The following CNTN4 variants were observed in gnomAD, a reference collection of about 807,000 sequenced individuals.
The protein encoded by CNTN4 is contactin 4.
A neutral mutation model predicts 122.5 loss-of-function variants in CNTN4; 77 were observed. The observed-to-expected ratio is 0.63, with a 90% CI of 0.52 to 0.76. CNTN4 has a LOEUF of 0.76. Among genes scored for constraint, CNTN4 ranks in the 30% least tolerant of loss-of-function variants. The pLI, the probability that CNTN4 is intolerant of heterozygous loss-of-function variation, is 0.00. For missense variants in CNTN4, 1,256 were observed against 1,259.1 expected, an observed-to-expected ratio of 1.00 and a Z score of 0.04; for synonymous variants, 512 against 447.0, an observed-to-expected ratio of 1.15 and a Z score of -1.83.
chr3:2,996,980 T>G (rs899424271), intron 14 of CNTN4, among the ~76,000 whole-genome samples: 5 of 152,216 alleles, frequency 3.3e-5, no homozygotes, highest in African/African-American at 7.2e-5. Context: ...TGCATATCTT[T>G]TTAAAGTACA....
rs1052353469 is a variant in CNTN4, at chr3:2,428,285, A to G, written c.-89+89052A>G. On this transcript the variant is annotated intron_variant, in intron 3 of 24. Coordinates refer to ENST00000418658, the MANE Select transcript of CNTN4 (RefSeq NM_175607.3). ...AGGCCTGGTGGTGAGAAAATCTCTC[A>G]GCATTTGCTTGTCTGTAAAGGATTT... Among the ~76,000 whole-genome samples the G allele has an allele frequency of 3.9e-5, 6 of 152,316 alleles. No homozygotes were observed. The South Asian group carries it at 6.2e-4, about 16-fold the overall frequency.
At chr3:2,535,020 C>T (rs1025898970) in intron 3 of CNTN4, among the ~76,000 whole-genome samples, 1 of 152,140 alleles carries the variant, frequency 6.6e-6, no homozygotes, top group African/African-American at 2.4e-5. Context: ...AAAGGACCTT[C>T]TTTACATAAT....
At chr3:2,752,245 G>C (rs1004084842) in intron 6 of CNTN4, among the ~76,000 whole-genome samples, 2 of 152,192 alleles carry the variant, frequency 1.3e-5, no homozygotes, top group Non-Finnish European at 2.9e-5. Context: ...ATGTGTAAAT[G>C]ATCAAATCAG....
chr3:2,859,328 C>A (rs1328469605), intron 7 of CNTN4, among the ~76,000 whole-genome samples: 1 of 152,154 alleles, frequency 6.6e-6, no homozygotes, highest in Non-Finnish European at 1.5e-5. Context: ...TTAGTTGATT[C>A]CATATCTTGG....
intron 4 of CNTN4, among the ~76,000 whole-genome samples, chr3:2,645,954 A>G (rs1471252382): frequency 6.6e-6 from 1 of 152,196 alleles, no homozygotes; most frequent in East Asian, 1.9e-4. Context: ...CACTTCAACT[A>G]TTGTTGTTTA....
chr3:2,879,013 G>A (rs563034336), intron 8 of CNTN4, among the ~76,000 whole-genome samples: 1 of 152,218 alleles, frequency 6.6e-6, no homozygotes, highest in South Asian at 2.1e-4. Flanking sequence ...CTGGTGTTAT[G>A]GGTTGAATTT....
intron 2 of CNTN4, among the ~76,000 whole-genome samples, chr3:2,324,936 T>C (rs2043401951): frequency 6.6e-6 from 1 of 152,108 alleles, no homozygotes; most frequent in African/African-American, 2.4e-5. Context: ...TTGAAAATCT[T>C]CCCCCCAGTT....
intron 2 of CNTN4, among the ~76,000 whole-genome samples, chr3:2,228,084 C>T (rs2039351958): frequency 6.6e-6 from 1 of 151,932 alleles, no homozygotes; most frequent in South Asian, 2.1e-4. Flanking sequence ...TATGGTTTTG[C>T]ATATGGTTTA....
chr3:3,053,854 A>G lies in CNTN4; in HGVS notation c.2859A>G (p.Thr953=), dbSNP rs750041748. Residue 953 remains threonine (T), a synonymous_variant, in exon 24 of 25, where the codon ACA becomes ACG. Coordinates refer to ENST00000418658, the MANE Select transcript of CNTN4 (RefSeq NM_175607.3). ...NRQSSTSVIE[T]NKTSVELSLP... The stretch of plus-strand genomic sequence containing the variant: ...AAAGCAGCACATCTGTCATTGAAAC[A>G]AATAAAACATCGGTGGAGCTTTCTT... The G allele has an allele frequency of 1.9e-6, 3 of 1,614,126 alleles. No individual in the cohort carries two copies. The highest frequency in any genetic ancestry group is 4.5e-5 in the East Asian group (2 of 44,900).
At chr3:3,052,938 A>G (rs1406363475) in intron 23 of CNTN4, among the ~76,000 whole-genome samples, 1 of 152,182 alleles carries the variant, frequency 6.6e-6, no homozygotes, top group African/African-American at 2.4e-5. Flanking sequence ...AACCTTTGCC[A>G]TGTATGTTCT....
At chr3:3,040,730 C>G (rs1323391321) in intron 20 of CNTN4, among the ~76,000 whole-genome samples, 1 of 152,036 alleles carries the variant, frequency 6.6e-6, no homozygotes, top group Non-Finnish European at 1.5e-5. Context: ...GAGTTCGGGA[C>G]CAGCCTGACC....
At chr3:2,327,041 C>A (rs1029707325) in intron 2 of CNTN4, among the ~76,000 whole-genome samples, 2 of 152,206 alleles carry the variant, frequency 1.3e-5, no homozygotes, top group Middle Eastern at 6.8e-3. Flanking sequence ...GTAGCATTGC[C>A]TACCCTGGAG....
At chr3:2,149,233 T>C (rs192435263) in intron 2 of CNTN4, among the ~76,000 whole-genome samples, 55 of 152,274 alleles carry the variant, frequency 3.6e-4, no homozygotes, top group Middle Eastern at 3.4e-3. Flanking sequence ...AGTGGAGTAG[T>C]GCAAAGACTG....
chr3:2,436,296 C>T (rs1007457070), intron 3 of CNTN4, among the ~76,000 whole-genome samples: 7 of 152,002 alleles, frequency 4.6e-5, no homozygotes, highest in South Asian at 2.1e-4. Flanking sequence ...GAAGATAATG[C>T]CATCCATGTG....
At chr3:2,199,285 G>A (rs1368719983) in intron 2 of CNTN4, among the ~76,000 whole-genome samples, 2 of 152,016 alleles carry the variant, frequency 1.3e-5, no homozygotes, top group East Asian at 1.9e-4. Context: ...GTTGTATTAT[G>A]TTCCTACCAC....
intron 4 of CNTN4, among the ~76,000 whole-genome samples, chr3:2,604,274 G>C (rs76826161): frequency 6.6e-6 from 1 of 152,088 alleles, no homozygotes; most frequent in Non-Finnish European, 1.5e-5. Flanking sequence ...GGATTTCCCT[G>C]ACTTGATGCC....
intron 3 of CNTN4, among the ~76,000 whole-genome samples, chr3:2,504,871 AAG>A (rs2076691781): frequency 6.6e-6 from 1 of 152,168 alleles, no homozygotes; most frequent in African/African-American, 2.4e-5. Flanking sequence ...TCAATGTAAT[AAG>A]AGACAATAAA....
In CNTN4 at chr3:2,517,130, A is replaced by G. The variant is rs114444360; in HGVS notation, c.-88-54286A>G. 7.8e-3 allele frequency among the ~76,000 whole-genome samples: 1,184 copies of G among 152,224 alleles called. 9 individuals are homozygous for G. Among genetic ancestry groups the G allele is most frequent in the African/African-American group, 0.023 (955 of 41,552 alleles). ...GTGAAATAATTAAGACATTTGGATC[A>G]GTGAAGAGATACAGAGAAAAAGGAG... is the stretch of plus-strand genomic sequence containing the variant. On this transcript the variant is annotated intron_variant, in intron 3 of 24. Coordinates refer to ENST00000418658, the MANE Select transcript of CNTN4 (RefSeq NM_175607.3).
At chr3:2,646,403 C>T (rs915685690) in intron 4 of CNTN4, among the ~76,000 whole-genome samples, 1 of 152,140 alleles carries the variant, frequency 6.6e-6, no homozygotes, top group Non-Finnish European at 1.5e-5. Flanking sequence ...TCTCTCTATG[C>T]CTTAGTTTCT....
Sources: allele counts gnomAD v4.1 joint callset (sites outside exome capture counted in the v4.1 genomes callset), GRCh38; gene constraint gnomAD v4.1.1; transcripts MANE v1.5; gene names NCBI Gene and HGNC (gene_info 2026-07-23, HGNC 2026-07-21).